SLC9B1: variants seen among roughly 807,000 people sequenced by gnomAD.
SLC9B1 encodes the protein solute carrier family 9 member B1, also known as sodium/hydrogen exchanger 9B1.
A neutral mutation model predicts 51.7 loss-of-function variants in SLC9B1; 32 were observed. The ratio of observed to expected loss-of-function variants is 0.62; its 90% CI spans 0.47 to 0.83. SLC9B1 has a LOEUF of 0.83. Ranked by LOEUF, SLC9B1 falls within the 40% of genes least tolerant of loss-of-function variation. The pLI, the probability that SLC9B1 is intolerant of heterozygous loss-of-function variation, is 0.00. For synonymous variants in SLC9B1, 145 were observed against 212.7 expected (o/e 0.68, Z 2.77); for missense variants, 406 against 613.2 (o/e 0.66, Z 3.57).
intron 3 of SLC9B1, among the ~76,000 whole-genome samples, chr4:102,980,308 C>A (rs1282601882): frequency 6.6e-6 from 1 of 152,126 alleles, no homozygotes; most frequent in Non-Finnish European, 1.5e-5. Flanking sequence ...ATGTTCACTG[C>A]AGCACTATTC....
chr4:102,934,763 C>CAAAAAA (rs772664880), intron 6 of SLC9B1, among the ~76,000 whole-genome samples: 2 of 115,582 alleles, frequency 1.7e-5, no homozygotes. Context: ...GACTCTGTCA[C>CAAAAAA]AAAAAAAAAA....
intron 1 of SLC9B1, among the ~76,000 whole-genome samples, chr4:102,993,730 T>A (rs1479094922): frequency 6.6e-6 from 1 of 152,188 alleles, no homozygotes; most frequent in Non-Finnish European, 1.5e-5. Context: ...TCTGCCTGGA[T>A]ATCCAGGCAT....
chr4:102,955,876 A>G lies in SLC9B1; in HGVS notation c.212-6449T>C, dbSNP rs1346948824. ...AAGAAAGAAAGAAAGAAAGAAAGAA[A>G]GAAAGAAAGAAAGAAAGAAAGAAAG... is the stretch of plus-strand genomic sequence containing the variant. On this transcript the variant is annotated intron_variant, in intron 3 of 11. Transcript: ENST00000296422. Among the ~76,000 whole-genome samples the G allele has an allele frequency of 2.1e-5, 3 of 143,154 alleles. No individual in the cohort carries two copies. The East Asian group carries it at 6.1e-4, about 29-fold the overall frequency. The allele number at this position is 143,154 out of a possible 152,430, so 93.9% of individuals were successfully genotyped here.
At chr4:102,887,156 TA>T (rs1733969068) in intron 11 of SLC9B1, among the ~76,000 whole-genome samples, 1 of 152,216 alleles carries the variant, frequency 6.6e-6, no homozygotes, top group Admixed American at 6.5e-5. Context: ...AATAATGAAG[TA>T]ACTGTTTAAA....
At chr4:102,940,175 T>C (rs774977300) in intron 6 of SLC9B1, among the ~76,000 whole-genome samples, 1 of 152,172 alleles carries the variant, frequency 6.6e-6, no homozygotes, top group African/African-American at 2.4e-5. Flanking sequence ...CAAAACTCAA[T>C]GTACAAAAAT....
intron 3 of SLC9B1, among the ~76,000 whole-genome samples, chr4:102,968,733 T>C (rs902858457): frequency 2.6e-5 from 4 of 152,232 alleles, no homozygotes; most frequent in African/African-American, 9.6e-5. Flanking sequence ...GGGCATCGCC[T>C]CATCCGGGAA....
intron 7 of SLC9B1, among the ~76,000 whole-genome samples, chr4:102,918,849 C>T (rs1560926590): frequency 6.6e-6 from 1 of 152,130 alleles, no homozygotes; most frequent in Non-Finnish European, 1.5e-5. Context: ...TTTGTTATAG[C>T]AGCAGGAATG....
intron 7 of SLC9B1, among the ~76,000 whole-genome samples, chr4:102,922,677 AAAAG>A (rs1371240753): frequency 6.6e-6 from 1 of 152,164 alleles, no homozygotes; most frequent in Non-Finnish European, 1.5e-5. Context: ...AATAAAGAAG[AAAAG>A]AGAGAGGAAT....
intron 7 of SLC9B1, among the ~76,000 whole-genome samples, chr4:102,916,434 A>C (rs1735580292): frequency 6.6e-6 from 1 of 152,222 alleles, no homozygotes; most frequent in Non-Finnish European, 1.5e-5. Context: ...AAATATATGA[A>C]GCCAACATAG....
intron 5 of SLC9B1, 22 bp downstream of exon 5, chr4:102,946,625 C>T (rs781150368): frequency 4.0e-5 from 64 of 1,595,864 alleles, no homozygotes; most frequent in Non-Finnish European, 5.2e-5. Context: ...TAACCTTACT[C>T]GATTTGTAAT....
At chr4:102,893,281 C>CAA (rs58316456) in intron 11 of SLC9B1, among the ~76,000 whole-genome samples, 783 of 34,930 alleles carry the variant, frequency 0.022, 114 homozygotes, top group African/African-American at 0.073. Flanking sequence ...GACTCCATCT[C>CAA]AAAAAAAAAA....
At chr4:102,939,821 C>A (rs1736904172) in intron 6 of SLC9B1, among the ~76,000 whole-genome samples, 1 of 151,964 alleles carries the variant, frequency 6.6e-6, no homozygotes, top group South Asian at 2.1e-4. Flanking sequence ...ATGATATAGA[C>A]CCTCAACAAA....
At chr4:102,929,552 C>T (rs567486438) in intron 7 of SLC9B1, among the ~76,000 whole-genome samples, 1 of 152,246 alleles carries the variant, frequency 6.6e-6, no homozygotes, top group East Asian at 1.9e-4. Flanking sequence ...AGACAGTCTC[C>T]CCCTGTCACC....
At chr4:102,909,363 G>A (rs1336602280) in intron 9 of SLC9B1, among the ~76,000 whole-genome samples, 1 of 152,054 alleles carries the variant, frequency 6.6e-6, no homozygotes, top group East Asian at 1.9e-4. Context: ...AACATTTTGG[G>A]AGGCCGAGGC....
At chr4:102,926,521 C>T (rs1317442862) in intron 7 of SLC9B1, among the ~76,000 whole-genome samples, 1 of 152,324 alleles carries the variant, frequency 6.6e-6, no homozygotes, top group African/African-American at 2.4e-5. Context: ...AATAAAATAC[C>T]TAGGAATCCA....
At chr4:102,885,207 C>T (rs190212874) in exon 12 of SLC9B1, 1 of 1,608,922 alleles carries the variant, frequency 6.2e-7, no homozygotes. Flanking sequence ...GACACATCTA[C>T]ATGTTTAGTT....
At chr4:103,016,377 A>G (rs888238587) in intron 1 of SLC9B1, among the ~76,000 whole-genome samples, 5 of 151,908 alleles carry the variant, frequency 3.3e-5, no homozygotes, top group Non-Finnish European at 5.9e-5. Context: ...ATATTTCTCT[A>G]TTACCTCCAT....
At chr4:102,886,351 C>T (rs1264458426) in intron 11 of SLC9B1, among the ~76,000 whole-genome samples, 2 of 151,832 alleles carry the variant, frequency 1.3e-5, no homozygotes, top group Admixed American at 6.6e-5. Context: ...ATTAGCCAGG[C>T]GTGGTGGCAT....
At chr4:102,994,876 C>G (rs912632466) in intron 1 of SLC9B1, among the ~76,000 whole-genome samples, 3 of 152,136 alleles carry the variant, frequency 2.0e-5, no homozygotes, top group Non-Finnish European at 4.4e-5. Flanking sequence ...CCCCCATGAT[C>G]CAGTTACCTC....
Sources: gnomAD v4.1 joint callset for allele counts (sites outside exome capture counted in the v4.1 genomes callset) on GRCh38, gnomAD v4.1.1 for gene constraint, MANE v1.5 for transcripts, NCBI Gene and HGNC (gene_info 2026-07-23, HGNC 2026-07-21) for gene names.